KCNIP4: variants seen among roughly 807,000 people sequenced by gnomAD.
KCNIP4 encodes Kv channel-interacting protein 4.
A neutral mutation model predicts 34.0 loss-of-function variants in KCNIP4; 12 were observed. The observed-to-expected ratio is 0.35, with a 90% CI of 0.23 to 0.57. The LOEUF (loss-of-function observed/expected upper bound fraction) is 0.57, where lower values mean the gene tolerates loss of function less well. Ranked by LOEUF, KCNIP4 falls within the 20% of genes least tolerant of loss-of-function variation. The pLI is 0.83. For missense variants in KCNIP4, 238 were observed against 311.7 expected (o/e 0.76, Z 1.78); for synonymous variants, 124 against 102.2 (o/e 1.21, Z -1.29).
chr4:21,214,437 A>G (rs73109446), intron 1 of KCNIP4, among the ~76,000 whole-genome samples: 14,472 of 152,142 alleles, frequency 0.095, 2,185 homozygotes, highest in African/African-American at 0.32. Context: ...CCGTCAAAAA[A>G]AATTCTGCCT....
At chr4:21,277,711 G>C (rs73113109) in intron 1 of KCNIP4, among the ~76,000 whole-genome samples, 4,885 of 152,160 alleles carry the variant, frequency 0.032, 294 homozygotes, top group African/African-American at 0.11. Context: ...TTTACAGAAA[G>C]ACAAAGCAGA....
intron 1 of KCNIP4, among the ~76,000 whole-genome samples, chr4:21,794,278 A>G: frequency 6.6e-6 from 1 of 152,236 alleles, no homozygotes; most frequent in African/African-American, 2.4e-5. Flanking sequence ...ATAATTTAAA[A>G]AAAAAGAAAA....
chr4:21,832,716 A>C, intron 1 of KCNIP4, among the ~76,000 whole-genome samples: 1 of 142,200 alleles, frequency 7.0e-6, no homozygotes, highest in Non-Finnish European at 1.5e-5. Flanking sequence ...CATTAGGTAT[A>C]TCTCCCAATG....
chr4:20,810,895 A>G (rs1715668728), intron 3 of KCNIP4, among the ~76,000 whole-genome samples: 1 of 152,158 alleles, frequency 6.6e-6, no homozygotes, highest in Non-Finnish European at 1.5e-5. Flanking sequence ...GCTAAATTCC[A>G]TTGCATTTGA....
chr4:20,985,990 C>A (rs1043219269), intron 1 of KCNIP4, among the ~76,000 whole-genome samples: 7 of 152,178 alleles, frequency 4.6e-5, no homozygotes, highest in Non-Finnish European at 1.5e-5. Context: ...GGGAATGCTA[C>A]TGCCCCTTTC....
At chr4:20,986,985 T>A (rs1736635528) in intron 1 of KCNIP4, among the ~76,000 whole-genome samples, 4 of 152,152 alleles carry the variant, frequency 2.6e-5, no homozygotes. Context: ...CTCCCAAGTA[T>A]GCGGGGGCTC....
At chr4:20,930,346 T>C (rs1730331550) in intron 1 of KCNIP4, among the ~76,000 whole-genome samples, 1 of 151,938 alleles carries the variant, frequency 6.6e-6, no homozygotes, top group South Asian at 2.1e-4. Flanking sequence ...TTGCACCATA[T>C]ACAAAAATGG....
At chr4:20,733,739 G>T (rs1264535135) in intron 6 of KCNIP4, among the ~76,000 whole-genome samples, 1 of 152,084 alleles carries the variant, frequency 6.6e-6, no homozygotes, top group African/African-American at 2.4e-5. Flanking sequence ...TTTAGGATAT[G>T]CTCCATATAC....
At chr4:20,730,301 C>T (rs891490886) in intron 8 of KCNIP4, among the ~76,000 whole-genome samples, 172 bp from the exon 9 acceptor site, 2 of 152,206 alleles carry the variant, frequency 1.3e-5, no homozygotes, top group African/African-American at 4.8e-5. Context: ...CCATTTTCCA[C>T]ATAGATGACT....
rs777543973 is a variant in KCNIP4 at position 21,210,915 on chromosome 4, G to A, written c.62-328206C>T. Among the ~76,000 whole-genome samples, 84 of 152,240 alleles carry A rather than the reference G, an allele frequency of 5.5e-4. 2 individuals are homozygous for A. The highest frequency in any genetic ancestry group is 1.0e-3 in the Non-Finnish European group (71 of 68,016). ...ATGGAGAATGATCAACACTGAAACT[G>A]ATGATGCCCACTTATATATTTTTTA... is the stretch of plus-strand genomic sequence containing the variant. On this transcript the variant is annotated intron_variant, in intron 1 of 8. Coordinates refer to ENST00000382152, the MANE Select transcript of KCNIP4 (RefSeq NM_025221.6).
intron 1 of KCNIP4, among the ~76,000 whole-genome samples, chr4:21,422,659 TTGTGTGTGTGTGTGTG>T (rs3083787): frequency 7.5e-5 from 11 of 147,626 alleles, no homozygotes; most frequent in Non-Finnish European, 1.3e-4. Context: ...ATGTGTGTGT[TTGTGTGTGTGTGTGTG>T]TGTGTGTGTG....
intron 1 of KCNIP4, among the ~76,000 whole-genome samples, chr4:21,303,458 T>C (rs370089886): frequency 6.6e-6 from 1 of 152,152 alleles, no homozygotes; most frequent in African/African-American, 2.4e-5. Context: ...AATTTGCCGA[T>C]ACAATAAAAG....
intron 3 of KCNIP4, among the ~76,000 whole-genome samples, chr4:20,806,243 G>A (rs1453739729): frequency 6.6e-6 from 1 of 151,448 alleles, no homozygotes; most frequent in Non-Finnish European, 1.5e-5. Flanking sequence ...TTCTAATTTT[G>A]CCTTTACCTT....
At chr4:21,209,479 C>T (rs1024830544) in intron 1 of KCNIP4, among the ~76,000 whole-genome samples, 3 of 152,086 alleles carry the variant, frequency 2.0e-5, no homozygotes, top group African/African-American at 7.2e-5. Flanking sequence ...ATTTTAGCTT[C>T]CATATATGAA....
At chr4:21,843,767 G>A (rs898390227) in intron 1 of KCNIP4, 1 of 151,986 alleles carries the variant, frequency 6.6e-6, no homozygotes, top group African/African-American at 2.4e-5. Context: ...GAAAGAATAC[G>A]ACAATTACAA....
chr4:21,521,649 T>A (rs1351264808), intron 1 of KCNIP4, among the ~76,000 whole-genome samples: 1 of 152,110 alleles, frequency 6.6e-6, no homozygotes, highest in Non-Finnish European at 1.5e-5. Flanking sequence ...AGTCTCAGAG[T>A]GGCTGCCTCA....
At chr4:21,626,336 C>T (rs531396115) in intron 1 of KCNIP4, among the ~76,000 whole-genome samples, 56 of 151,828 alleles carry the variant, frequency 3.7e-4, no homozygotes, top group African/African-American at 1.3e-3. Flanking sequence ...GTCAGGTTCT[C>T]ATGATGGGAT....
intron 1 of KCNIP4, among the ~76,000 whole-genome samples, chr4:21,575,949 G>T (rs1440958569): frequency 6.6e-6 from 1 of 152,138 alleles, no homozygotes; most frequent in Non-Finnish European, 1.5e-5. Context: ...TCAGATGGAA[G>T]GAGCTTGGTC....
chr4:21,275,662 G>A (rs1762394731), intron 1 of KCNIP4, among the ~76,000 whole-genome samples: 1 of 151,686 alleles, frequency 6.6e-6, no homozygotes, highest in African/African-American at 2.4e-5. Context: ...ATAAATAGTA[G>A]ATGGCTGGGA....
Sources: allele counts gnomAD v4.1 joint callset (sites outside exome capture counted in the v4.1 genomes callset), GRCh38; gene constraint gnomAD v4.1.1; transcripts MANE v1.5; gene names NCBI Gene and HGNC (gene_info 2026-07-23, HGNC 2026-07-21).